Variants in RP1 observed in about 807,000 individuals in gnomAD.
The protein encoded by RP1 is oxygen-regulated protein 1.
RP1 carries 16 observed loss-of-function variants against 14.8 expected under a neutral mutation model. That is an observed-to-expected ratio of 1.08 (90% confidence interval 0.73 to 1.65). RP1 has a LOEUF of 1.65. Ranked by LOEUF, RP1 falls within the 40% of genes most tolerant of loss-of-function variation. The probability of loss-of-function intolerance (pLI) is 0.00; values close to 1 mark genes in which losing one functional copy is unlikely to be tolerated. For missense variants in RP1, 2,631 were observed against 2,535.0 expected (o/e 1.04, Z -0.81); for synonymous variants, 876 against 883.6 (o/e 0.99, Z 0.15).
chr8:54,691,815 T>A (rs1006356738), intron 12 of RP1, among the ~76,000 whole-genome samples: 3 of 151,968 alleles, frequency 2.0e-5, no homozygotes, highest in African/African-American at 7.2e-5. Context: ...TTATTTTTAT[T>A]TTATTTTATT....
At chr8:54,583,634 C>A (rs1440329680) in intron 1 of RP1, among the ~76,000 whole-genome samples, 1 of 152,174 alleles carries the variant, frequency 6.6e-6, no homozygotes, top group African/African-American at 2.4e-5. Flanking sequence ...TGGTCCTGTA[C>A]TTTTTTTCAT....
At chr8:54,632,331 C>T (rs530798543), downstream of RP1, among the ~76,000 whole-genome samples, 3 of 152,296 alleles carry the variant, frequency 2.0e-5, no homozygotes, top group South Asian at 6.2e-4. Flanking sequence ...AATACTATTA[C>T]ACCAAACAGT....
chr8:54,828,889 T>A (rs1351213755), intron 24 of RP1, among the ~76,000 whole-genome samples: 1 of 57,730 alleles, frequency 1.7e-5, no homozygotes, highest in African/African-American at 5.6e-5. Context: ...CTTCTTTTTT[T>A]TTTTTTTTTT....
chr8:54,701,015 G>A (rs868460116), intron 13 of RP1, among the ~76,000 whole-genome samples: 2 of 152,126 alleles, frequency 1.3e-5, no homozygotes, highest in Non-Finnish European at 1.5e-5. Flanking sequence ...GGAACTAGAG[G>A]GAGATGGGGT....
At chr8:54,831,566 A>T (rs11996028) in intron 24 of RP1, among the ~76,000 whole-genome samples, 2 of 150,754 alleles carry the variant, frequency 1.3e-5, no homozygotes, top group Non-Finnish European at 3.0e-5. Context: ...TCAACCCCTT[A>T]TGCTATTACT....
intron 6 of RP1, chr8:54,656,295 T>C (rs1806753257): frequency 2.2e-6 from 3 of 1,391,420 alleles, no homozygotes; most frequent in Non-Finnish European, 2.9e-6. Context: ...AATAAACACA[T>C]GTTGAGTAAA....
At chr8:54,730,036 G>C (rs552823113) in intron 17 of RP1, among the ~76,000 whole-genome samples, 1 of 151,604 alleles carries the variant, frequency 6.6e-6, no homozygotes. Context: ...GTAAGTTTTC[G>C]TTCATCATAG....
intron 24 of RP1, among the ~76,000 whole-genome samples, chr8:54,826,553 T>A (rs1447004295): frequency 6.6e-6 from 1 of 152,192 alleles, no homozygotes; most frequent in African/African-American, 2.4e-5. Context: ...CATGAGTTGC[T>A]TAAGTATTAC....
chr8:54,608,063 T>C (rs187640019), intron 1 of RP1, among the ~76,000 whole-genome samples: 19 of 152,132 alleles, frequency 1.2e-4, no homozygotes, highest in Non-Finnish European at 1.6e-4. Flanking sequence ...GCACCCACTG[T>C]CTGACACTCC....
intron 23 of RP1, among the ~76,000 whole-genome samples, chr8:54,777,599 AATG>A (rs1352944002): frequency 5.9e-5 from 9 of 152,188 alleles, no homozygotes; most frequent in Admixed American, 3.3e-4. Flanking sequence ...TAATAGGATT[AATG>A]ATATTTGTCT....
At chr8:54,757,795 C>T (rs888488021) in intron 21 of RP1, among the ~76,000 whole-genome samples, 5 of 152,192 alleles carry the variant, frequency 3.3e-5, no homozygotes, top group Admixed American at 6.5e-5. Context: ...GGTGACCTGC[C>T]TCATGAAACG....
chr8:54,626,519 A>C lies in RP1; in HGVS notation c.2637A>C (p.Ala879=). The C allele has an allele frequency of 6.2e-7, 1 of 1,613,878 alleles. No individual in the cohort carries two copies. The highest frequency in any genetic ancestry group is 8.5e-7 in the Non-Finnish European group (1 of 1,179,912). Residue 879 remains alanine (A), a synonymous_variant, in exon 4 of 4, where the codon GCA becomes GCC. Transcript: ENST00000220676. ...QKKRKGDKVK[A]SAILSKQHAT... ...AACGTAAAGGGGATAAAGTGAAAGC[A>C]AGTGCTATTTTAAGTAAACAACATG... is the stretch of plus-strand genomic sequence containing the variant.
intron 21 of RP1, among the ~76,000 whole-genome samples, chr8:54,758,347 T>C (rs1278818738): frequency 6.6e-6 from 1 of 151,984 alleles, no homozygotes; most frequent in African/African-American, 2.4e-5. Context: ...ACCAATTCTA[T>C]TTAGGAGTGA....
chr8:54,754,470 G>T (rs1272303338), intron 19 of RP1, among the ~76,000 whole-genome samples: 3 of 151,982 alleles, frequency 2.0e-5, no homozygotes, highest in Non-Finnish European at 4.4e-5. Context: ...ATTGATTAAG[G>T]TTAAAAGATA....
intron 15 of RP1, chr8:54,720,093 G>A: frequency 7.1e-7 from 1 of 1,413,094 alleles, no homozygotes; most frequent in Non-Finnish European, 9.3e-7. Context: ...TTTAGGACTT[G>A]CTCACATTTA....
At chr8:54,867,891 A>G (rs1338140516) in intron 28 of RP1, among the ~76,000 whole-genome samples, 3 of 152,202 alleles carry the variant, frequency 2.0e-5, no homozygotes, top group Non-Finnish European at 4.4e-5. Flanking sequence ...TACTAGCTAC[A>G]TTTCTAGTGC....
chr8:54,803,759 C>T (rs1810773171), intron 24 of RP1, among the ~76,000 whole-genome samples: 1 of 152,062 alleles, frequency 6.6e-6, no homozygotes, highest in Non-Finnish European at 1.5e-5. Context: ...TACATGTATA[C>T]ATGGTTTTTA....
At chr8:54,778,920 C>T (rs575919108) in intron 23 of RP1, among the ~76,000 whole-genome samples, 1 of 152,218 alleles carries the variant, frequency 6.6e-6, no homozygotes, top group South Asian at 2.1e-4. Flanking sequence ...AATATTACGT[C>T]AGCATGGATG....
intron 24 of RP1, among the ~76,000 whole-genome samples, chr8:54,832,026 T>G (rs1346269604): frequency 2.0e-5 from 3 of 151,894 alleles, no homozygotes; most frequent in Non-Finnish European, 4.4e-5. Flanking sequence ...CCACTATTCT[T>G]ACTACTATTC....
Sources: gnomAD v4.1 joint callset for allele counts (sites outside exome capture counted in the v4.1 genomes callset) on GRCh38, gnomAD v4.1.1 for gene constraint, MANE v1.5 for transcripts, NCBI Gene and HGNC (gene_info 2026-07-23, HGNC 2026-07-21) for gene names.